NRG2: variants seen among roughly 807,000 people sequenced by gnomAD.
NRG2 encodes the protein neuregulin 2.
A neutral mutation model predicts 73.9 loss-of-function variants in NRG2; 27 were observed. The observed-to-expected ratio is 0.37, with a 90% CI of 0.27 to 0.50. NRG2 has a LOEUF of 0.50. NRG2 is among the 20% of genes least tolerant of loss of function. NRG2 has a pLI of 0.96. For synonymous variants in NRG2, 532 were observed against 541.0 expected (o/e 0.98, Z 0.23); for missense variants, 1,126 against 1,210.1 (o/e 0.93, Z 1.03).
intron 3 of NRG2, among the ~76,000 whole-genome samples, chr5:139,880,379 C>G (rs865814262): frequency 1.4e-4 from 21 of 152,112 alleles, no homozygotes; most frequent in African/African-American, 4.8e-4. Context: ...AGTTTGCCCT[C>G]CCTGAACAGA....
At position 139,865,177 on chromosome 5, in the gene NRG2, C is replaced by T. The variant is rs1762403825; in HGVS notation, c.1189+372G>A. ...CCCGGTGTATCCCACAGGACACCTA[C>T]CAAAAGAAAGAAAACCAGAAAGAGA... On this transcript the variant is annotated intron_variant, in intron 5 of 9. Coordinates refer to ENST00000361474, the MANE Select transcript of NRG2 (RefSeq NM_004883.3). This position sits in a 1 kb window ranked among gnomAD's most constrained non-coding sequence, Gnocchi z 5.2. 1 of 1,613,160 alleles carries T rather than the reference C, an allele frequency of 6.2e-7. No homozygotes were observed. Among genetic ancestry groups the T allele is most frequent in the Non-Finnish European group, 8.5e-7 (1 of 1,179,306 alleles).
chr5:139,977,095 A>G (rs1756432389), intron 1 of NRG2, among the ~76,000 whole-genome samples: 1 of 152,240 alleles, frequency 6.6e-6, no homozygotes, highest in South Asian at 2.1e-4. Flanking sequence ...AATAAAGTAT[A>G]AACTTTAGTT....
intron 1 of NRG2, among the ~76,000 whole-genome samples, chr5:139,981,433 C>A (rs894633108): frequency 1.3e-5 from 2 of 152,232 alleles, no homozygotes. Context: ...GGGACTCTTA[C>A]GGATCCTTAA....
In NRG2 at chr5:139,865,204, A is replaced by G. The variant is rs1762405042; in HGVS notation, c.1189+345T>C. The G allele has an allele frequency of 1.9e-6, 3 of 1,588,232 alleles. No homozygotes were observed. In the Admixed American group the frequency reaches 5.0e-5, roughly 27 times the overall value. ...AAAAGAAAGAAAACCAGAAAGAGAG[A>G]GCCAGGATAGCAAGACACAGGCATT... On this transcript the variant is annotated intron_variant, in intron 5 of 9. Coordinates refer to ENST00000361474, the MANE Select transcript of NRG2 (RefSeq NM_004883.3). This position sits in a 1 kb window ranked among gnomAD's most constrained non-coding sequence, Gnocchi z 5.2.
chr5:139,889,756 C>A (rs1208099231), intron 1 of NRG2, among the ~76,000 whole-genome samples: 1 of 152,164 alleles, frequency 6.6e-6, no homozygotes, highest in African/African-American at 2.4e-5. Context: ...CTCAGGCTGT[C>A]TGGCTTTCAA....
rs2127205761 is a variant in NRG2, at chr5:139,915,474, G to C, written c.701-27963C>G. Among the ~76,000 whole-genome samples the C allele has an allele frequency of 6.6e-6, 1 of 152,302 alleles. No homozygotes were observed. The highest frequency in any genetic ancestry group is 6.5e-5 in the Admixed American group (1 of 15,306). On this transcript the variant is annotated intron_variant, in intron 1 of 9. Coordinates refer to ENST00000361474, the MANE Select transcript of NRG2 (RefSeq NM_004883.3). This position sits in a 1 kb window ranked among gnomAD's most constrained non-coding sequence, Gnocchi z 4.0. ...TGGTGGCCAGGGTCCCCCAGGTCCT[G>C]CTTACATTCCACTGGTGCCTGATGC...
At chr5:140,019,675 T>G (rs1236057481) in intron 1 of NRG2, 2 of 152,222 alleles carry the variant, frequency 1.3e-5, no homozygotes, top group Admixed American at 6.5e-5. Context: ...CCTAATTGTT[T>G]TGAGCCTCAG....
At chr5:139,884,927 C>A (rs537462523) in intron 2 of NRG2, among the ~76,000 whole-genome samples, 2 of 151,882 alleles carry the variant, frequency 1.3e-5, no homozygotes, top group African/African-American at 2.4e-5. Flanking sequence ...AGAGGCACGA[C>A]CCCCTGGGCA....
chr5:140,010,704 A>G (rs1759296300), intron 1 of NRG2, among the ~76,000 whole-genome samples: 1 of 152,180 alleles, frequency 6.6e-6, no homozygotes, highest in Non-Finnish European at 1.5e-5. Context: ...TTAAGGTCAC[A>G]GGTGAAGGTG....
chr5:139,894,206 C>T lies in NRG2; in HGVS notation c.701-6695G>A, dbSNP rs1483217181. On this transcript the variant is annotated intron_variant, in intron 1 of 9. Transcript: ENST00000361474. This position sits in a 1 kb window ranked among gnomAD's most constrained non-coding sequence, Gnocchi z 5.0. ...GGGAGGACCTGGCTCTGCCTCCCTC[C>T]CGGCACCCAGCGGGCAGGGGCAGCA... 1.3e-5 allele frequency among the ~76,000 whole-genome samples: 2 copies of T among 152,188 alleles called. No individual in the cohort carries two copies. Among genetic ancestry groups the T allele is most frequent in the Non-Finnish European group, 2.9e-5 (2 of 68,014 alleles).
chr5:139,852,404 A>G lies in NRG2; in HGVS notation c.1544+28T>C, dbSNP rs763578328. 14 of 1,607,402 alleles carry G rather than the reference A, an allele frequency of 8.7e-6. No homozygotes were observed. In the East Asian group the frequency reaches 2.9e-4, roughly 33 times the overall value. ...GCCAGATGAAGTATGTGAGTCTACA[A>G]GTTTCCATGGGCCTTGGTGGTGCCT... On this transcript the variant is annotated intron_variant, in intron 8 of 9. Coordinates refer to ENST00000361474, the MANE Select transcript of NRG2 (RefSeq NM_004883.3). The surrounding 1 kb of genome is among the most constrained non-coding windows in gnomAD (Gnocchi z 4.4).
At chr5:139,913,904 G>A (rs1416559957) in intron 1 of NRG2, among the ~76,000 whole-genome samples, 1 of 152,214 alleles carries the variant, frequency 6.6e-6, no homozygotes, top group Non-Finnish European at 1.5e-5. Context: ...CATAATCCCA[G>A]CACTTTGGGA....
chr5:139,991,896 A>G (rs1757658351), intron 1 of NRG2, among the ~76,000 whole-genome samples: 1 of 152,168 alleles, frequency 6.6e-6, no homozygotes. Flanking sequence ...GCTTTCTAAT[A>G]TATTTTATTG....
At chr5:139,920,845 C>T (rs1216946821) in intron 1 of NRG2, among the ~76,000 whole-genome samples, 1 of 152,180 alleles carries the variant, frequency 6.6e-6, no homozygotes, top group East Asian at 1.9e-4. Flanking sequence ...AGCTTAACTA[C>T]CATCTTCTGA....
intron 1 of NRG2, among the ~76,000 whole-genome samples, chr5:139,924,446 C>T (rs533927959): frequency 2.2e-4 from 33 of 152,260 alleles, no homozygotes; most frequent in Admixed American, 2.0e-3. Flanking sequence ...ATTACTCAAC[C>T]GGCTTGTTCT....
chr5:139,934,890 C>G (rs10045339), intron 1 of NRG2, among the ~76,000 whole-genome samples: 1 of 152,138 alleles, frequency 6.6e-6, no homozygotes, highest in Non-Finnish European at 1.5e-5. Flanking sequence ...CCTGGCCGGG[C>G]GCGGTGGCTC....
At chr5:139,893,040 G>GA (rs1581883159) in intron 1 of NRG2, among the ~76,000 whole-genome samples, 1 of 151,896 alleles carries the variant, frequency 6.6e-6, no homozygotes, top group South Asian at 2.1e-4. Flanking sequence ...TTTTTGTTGT[G>GA]AAAAAATTAC....
rs890192284 is a variant in NRG2, at chr5:139,964,607, T to A, written c.701-77096A>T. Among the ~76,000 whole-genome samples the A allele has an allele frequency of 3.3e-5, 5 of 152,094 alleles. No individual in the cohort carries two copies. The East Asian group carries it at 7.7e-4, about 23-fold the overall frequency. On this transcript the variant is annotated intron_variant, in intron 1 of 9. Coordinates refer to ENST00000361474, the MANE Select transcript of NRG2 (RefSeq NM_004883.3). ...GTCACATGCATGCTTGGGGAGTGTGTCCCAGATCTCTGGACACAGGCATTT... is the reference window on the plus strand; with the variant it reads ...GTCACATGCATGCTTGGGGAGTGTGACCCAGATCTCTGGACACAGGCATTT...
At position 139,904,486 on chromosome 5, in the gene NRG2, G is replaced by C; in HGVS notation, c.701-16975C>G. 1 of 742,750 alleles carries C rather than the reference G, an allele frequency of 1.3e-6. No individual in the cohort carries two copies. The allele number at this position is 742,750 out of a possible 1,614,324, so 46.0% of individuals were successfully genotyped here. A position where few individuals can be genotyped will look rare whatever the true frequency, so the allele number is the denominator to read the frequency against. ...GCCTGCAGCCTCAGTGCCCGAGCGCGGCGCCTTTCTTATAGGCGGTCACAC... is the reference window on the plus strand; with the variant it reads ...GCCTGCAGCCTCAGTGCCCGAGCGCCGCGCCTTTCTTATAGGCGGTCACAC... On this transcript the variant is annotated intron_variant, in intron 1 of 9. Transcript: ENST00000361474. The surrounding 1 kb of genome is among the most constrained non-coding windows in gnomAD (Gnocchi z 6.0).
Sources: allele counts gnomAD v4.1 joint callset (sites outside exome capture counted in the v4.1 genomes callset), GRCh38; gene constraint gnomAD v4.1.1; non-coding constraint Gnocchi (gnomAD v3.1); transcripts MANE v1.5; gene names NCBI Gene and HGNC (gene_info 2026-07-23, HGNC 2026-07-21).